The following CIBAR2 variants were observed in gnomAD, a reference collection of about 807,000 sequenced individuals.
CIBAR2 encodes CBY1 interacting BAR domain containing 2.
A neutral mutation model predicts 36.2 loss-of-function variants in CIBAR2; 38 were observed. That is an observed-to-expected ratio of 1.05 (90% confidence interval 0.81 to 1.38). CIBAR2 has a LOEUF of 1.38. Ranked by LOEUF, CIBAR2 falls within the 40% of genes most tolerant of loss-of-function variation. CIBAR2 has a pLI of 0.00. For missense variants in CIBAR2, 481 were observed against 383.4 expected, an observed-to-expected ratio of 1.25 and a Z score of -2.13; for synonymous variants, 182 against 149.5, an observed-to-expected ratio of 1.22 and a Z score of -1.58.
At chr16:85,109,013 T>A (rs1181321543) in intron 2 of CIBAR2, among the ~76,000 whole-genome samples, 1 of 152,178 alleles carries the variant, frequency 6.6e-6, no homozygotes, top group African/African-American at 2.4e-5. Flanking sequence ...GGTGCCCTGG[T>A]CTTCCTCTGG....
At chr16:85,103,094 G>A (rs550215920) in intron 6 of CIBAR2, among the ~76,000 whole-genome samples, 1 of 152,224 alleles carries the variant, frequency 6.6e-6, no homozygotes, top group South Asian at 2.1e-4. Flanking sequence ...GTAGGGACAG[G>A]GTTTCACAAT....
intron 6 of CIBAR2, among the ~76,000 whole-genome samples, chr16:85,102,624 CA>C (rs1306081753): frequency 6.6e-5 from 10 of 152,188 alleles, no homozygotes; most frequent in Middle Eastern, 3.4e-3. Context: ...CCAGCCTGGG[CA>C]ACATGGTGAA....
At position 85,105,401 on chromosome 16, in the gene CIBAR2, C is replaced by A. The variant is rs1257422216; in HGVS notation, c.463G>T (p.Asp155Tyr). ...AGCTGGAGGGTGGTGCGGCTGGAGT[C>A]CACAGCGGCCCTCTGCACTCTGGTC... ...AETRVQRAAV[D>Y]SSRTTLQLEE... The change falls in exon 6 of 9, where the codon GAC (aspartate) becomes TAC (tyrosine). Residue 155 changes from aspartate to tyrosine, a missense_variant. Asp to Tyr is a radical substitution (Grantham distance 160). Coordinates refer to ENST00000539556, the MANE Select transcript of CIBAR2 (RefSeq NM_198491.3). 4 of 1,613,792 alleles carry A rather than the reference C, an allele frequency of 2.5e-6. No homozygotes were observed. The highest frequency in any genetic ancestry group is 3.4e-6 in the Non-Finnish European group (4 of 1,179,966).
intron 7 of CIBAR2, among the ~76,000 whole-genome samples, chr16:85,100,986 C>T (rs2073951099): frequency 6.6e-6 from 1 of 151,414 alleles, no homozygotes; most frequent in Non-Finnish European, 1.5e-5. Flanking sequence ...GGCGGAGTTG[C>T]AGTGAGCCGA....
intron 2 of CIBAR2, among the ~76,000 whole-genome samples, chr16:85,109,177 G>A (rs1224066157): frequency 1.3e-5 from 2 of 152,130 alleles, no homozygotes; most frequent in African/African-American, 4.8e-5. Context: ...TTGGGTGGCC[G>A]AGGTGGGAGG....
rs572394050 is a variant in CIBAR2 at position 85,100,958 on chromosome 16, A to T, written c.652-718T>A. On this transcript the variant is annotated intron_variant, in intron 7 of 8. Coordinates refer to ENST00000539556, the MANE Select transcript of CIBAR2 (RefSeq NM_198491.3). Reference sequence around the variant, plus strand: ...GCTACTCGGGAGGCGGAGGCAGGAGAATGGCTTGAACCTGGGAGGCGGAGT... The same window carrying T: ...GCTACTCGGGAGGCGGAGGCAGGAGTATGGCTTGAACCTGGGAGGCGGAGT... Among the ~76,000 whole-genome samples the T allele has an allele frequency of 1.4e-4, 21 of 152,134 alleles. No homozygotes were observed. In the Middle Eastern group the frequency reaches 0.01, roughly 74 times the overall value.
At chr16:85,104,087 T>G (rs1351527610) in intron 6 of CIBAR2, among the ~76,000 whole-genome samples, 1 of 152,216 alleles carries the variant, frequency 6.6e-6, no homozygotes, top group Admixed American at 6.5e-5. Flanking sequence ...CCATTCCACC[T>G]GGGATGGCAG....
rs772672538 is a variant in CIBAR2 at position 85,110,250 on chromosome 16, T to C, written c.231A>G (p.Lys77=). ...CCTGGGCCTGCCGGTAATCCTGCAC[T>C]TTGGCCAGGTCCTCAGCGAAGCCCC... ...TMRGFAEDLA[K]VQDYRQAQVE... is the part of the protein sequence containing the mutation. The change falls in exon 2 of 9, where the codon AAA becomes AAG. Residue 77 remains lysine, a synonymous_variant. Coordinates refer to ENST00000539556, the MANE Select transcript of CIBAR2 (RefSeq NM_198491.3). The C allele has an allele frequency of 6.3e-7, 1 of 1,582,700 alleles. No individual in the cohort carries two copies. Among genetic ancestry groups the C allele is most frequent in the Admixed American group, 1.8e-5 (1 of 56,784 alleles).
chr16:85,106,253 T>C (rs959763344), intron 5 of CIBAR2, among the ~76,000 whole-genome samples: 1 of 152,020 alleles, frequency 6.6e-6, no homozygotes, highest in East Asian at 1.9e-4. Flanking sequence ...TCCGGGGCCC[T>C]GTGGGAGGTT....
chr16:85,109,592 T>G (rs372007340), intron 2 of CIBAR2, among the ~76,000 whole-genome samples: 1 of 152,244 alleles, frequency 6.6e-6, no homozygotes, highest in Non-Finnish European at 1.5e-5. Flanking sequence ...GGCATGATCA[T>G]GGCCCCAGCC....
In CIBAR2 at chr16:85,100,132, C is replaced by T. The variant is rs201630543; in HGVS notation, c.753+7G>A. ...AGGTGTAACCCCTCACCCACCCACA[C>T]GCTCACCTGGCTGGCGAGAGACTGA... On this transcript the variant is annotated splice_region_variant and intron_variant, in intron 8 of 8. Coordinates refer to ENST00000539556, the MANE Select transcript of CIBAR2 (RefSeq NM_198491.3). 5.2e-5 allele frequency: 84 copies of T among 1,606,936 alleles called. No homozygotes were observed. Among genetic ancestry groups the T allele is most frequent in the African/African-American group, 4.5e-4 (34 of 74,946 alleles).
Position 85,098,974 on chromosome 16 carries a change from T to C in CIBAR2, c.*211A>G. 1.9e-6 allele frequency: 1 copy of C among 517,302 alleles called. No homozygotes were observed. The allele number at this position is 517,302 out of a possible 1,614,324, so 32.0% of individuals were successfully genotyped here. A position where few individuals can be genotyped will look rare whatever the true frequency, so the allele number is the denominator to read the frequency against. Reference sequence around the variant, plus strand: ...AAACAATCAAAACTTCAGGAAACATTGGATACACTCACAGAAATGCAAAAT... The same window carrying C: ...AAACAATCAAAACTTCAGGAAACATCGGATACACTCACAGAAATGCAAAAT... On this transcript the variant is annotated 3_prime_UTR_variant, in exon 9 of 9. Coordinates refer to ENST00000539556, the MANE Select transcript of CIBAR2 (RefSeq NM_198491.3).
intron 2 of CIBAR2, among the ~76,000 whole-genome samples, chr16:85,108,738 G>T (rs1040556451): frequency 2.0e-5 from 3 of 152,156 alleles, no homozygotes; most frequent in African/African-American, 7.2e-5. Flanking sequence ...GCTGGGCATG[G>T]TGGTGCATGC....
Position 85,102,230 on chromosome 16 carries a change from A to G in CIBAR2, c.635T>C (p.Leu212Pro), listed in dbSNP as rs774764068. Residue 212 changes from leucine (L) to proline (P), a missense_variant, in exon 7 of 9, where the codon CTG (leucine) becomes CCG (proline). Transcript: ENST00000539556. ...GTGACTCACCAGTAGATCCCTCTCC[A>G]GGTCATACTTCTCCAGGGTCTGGAA... is the stretch of plus-strand genomic sequence containing the variant. ...SAFQTLEKYD[L>P]ERDLLDFRAK... The G allele has an allele frequency of 3.8e-6, 6 of 1,591,694 alleles. No homozygotes were observed. The South Asian group carries it at 4.4e-5, about 12-fold the overall frequency.
At chr16:85,108,231 C>T (rs553648975) in intron 2 of CIBAR2, 132 bp from the exon 3 acceptor site, 3 of 787,886 alleles carry the variant, frequency 3.8e-6, no homozygotes, top group Admixed American at 5.8e-5. Context: ...GCGCGAGGTG[C>T]CCTCCCTTTT....
rs149925578 is a variant in CIBAR2, at chr16:85,108,831, C to T, written c.256-732G>A. Reference sequence around the variant, plus strand: ...TGGAGGTTGCAGTGAGCTGAGATTGCGACACTTCACTCTAGCCTGGGCAAC... The same window carrying T: ...TGGAGGTTGCAGTGAGCTGAGATTGTGACACTTCACTCTAGCCTGGGCAAC... On this transcript the variant is annotated intron_variant, in intron 2 of 8. Transcript: ENST00000539556. Among the ~76,000 whole-genome samples the T allele has an allele frequency of 1.1e-3, 172 of 152,228 alleles. No individual in the cohort carries two copies. The East Asian group carries it at 0.029, about 25-fold the overall frequency.
At chr16:85,105,271 T>G in intron 6 of CIBAR2, 56 bp downstream of exon 6, 1 of 1,028,724 alleles carries the variant, frequency 9.7e-7, no homozygotes, top group Non-Finnish European at 1.5e-6. Context: ...CACACGTGCA[T>G]GCACACACAC....
In CIBAR2 at chr16:85,100,147, C is replaced by G; in HGVS notation, c.745G>C (p.Ala249Pro). The change falls in exon 8 of 9, where the codon GCC (alanine) becomes CCC (proline). Residue 249 changes from alanine (A) to proline (P), a missense_variant. By Grantham distance (27) the Ala-to-Pro change is conservative. Coordinates refer to ENST00000539556, the MANE Select transcript of CIBAR2 (RefSeq NM_198491.3). ...CCCACCCACACGCTCACCTGGCTGG[C>G]GAGAGACTGAAGAACAGATGGAGGG... ...SPPPSVLQSL[A>P]SQGTLQVQLS... 6.2e-7 allele frequency: 1 copy of G among 1,609,038 alleles called. No homozygotes were observed. Among genetic ancestry groups the G allele is most frequent in the Non-Finnish European group, 8.5e-7 (1 of 1,177,862 alleles).
At position 85,106,325 on chromosome 16, in the gene CIBAR2, G is replaced by A. The variant is rs151318062; in HGVS notation, c.433-894C>T. Among the ~76,000 whole-genome samples, 678 of 152,140 alleles carry A rather than the reference G, an allele frequency of 4.5e-3. 5 individuals carry two copies. The highest frequency in any genetic ancestry group is 0.016 in the African/African-American group (645 of 41,516). ...ATGCCAGGTGGTAGGTAGGATAAAC[G>A]GCCCCCCAAAGATGTCTGCATCCTA... is the stretch of plus-strand genomic sequence containing the variant. On this transcript the variant is annotated intron_variant, in intron 5 of 8. Transcript: ENST00000539556.
Sources: allele counts gnomAD v4.1 joint callset (sites outside exome capture counted in the v4.1 genomes callset), GRCh38; gene constraint gnomAD v4.1.1; transcripts MANE v1.5; gene names NCBI Gene and HGNC (gene_info 2026-07-23, HGNC 2026-07-21).